Variants in SPAG9 observed in about 807,000 individuals in gnomAD.
The protein encoded by SPAG9 is C-Jun-amino-terminal kinase-interacting protein 4.
SPAG9 carries 35 observed loss-of-function variants against 166.5 expected under a neutral mutation model. The ratio of observed to expected loss-of-function variants is 0.21; its 90% CI spans 0.16 to 0.28. The LOEUF is 0.28. Ranked by LOEUF, SPAG9 falls within the 10% of genes least tolerant of loss-of-function variation. The probability of loss-of-function intolerance (pLI) is 1.00; values close to 1 mark genes in which losing one functional copy is unlikely to be tolerated. For synonymous variants in SPAG9, 534 were observed against 565.5 expected (o/e 0.94, Z 0.79); for missense variants, 1,235 against 1,603.3 (o/e 0.77, Z 3.92).
intron 2 of SPAG9, among the ~76,000 whole-genome samples, chr17:51,078,110 T>A (rs776138797): frequency 2.6e-5 from 4 of 152,152 alleles, no homozygotes; most frequent in Non-Finnish European, 4.4e-5. Context: ...CAAATTTCTA[T>A]GGTAGAAATC....
chr17:51,033,309 TG>T (rs978217824), intron 5 of SPAG9, among the ~76,000 whole-genome samples: 11 of 98,402 alleles, frequency 1.1e-4, no homozygotes, highest in Admixed American at 2.0e-4. Context: ...TGTCATTAAA[TG>T]AAAAAAAAAA....
chr17:50,981,501 GATAGATAGA>G lies in SPAG9; in HGVS notation c.3237+1014_3237+1022del, dbSNP rs1462963931. The stretch of plus-strand genomic sequence containing the variant: ...ACAGATAAAGATAGATAGATAGATA[GATAGATAGA>G]TAGATAGATAGATAGATAGAAAGAA... On this transcript the variant is annotated intron_variant, in intron 25 of 29. Transcript: ENST00000262013. 3.3e-3 allele frequency among the ~76,000 whole-genome samples: 491 copies of G among 150,204 alleles called. 1 individual carries two copies. Among genetic ancestry groups the G allele is most frequent in the Non-Finnish European group, 5.6e-3 (380 of 67,386 alleles).
At chr17:51,036,508 C>T (rs959267153) in intron 5 of SPAG9, among the ~76,000 whole-genome samples, 11 of 152,202 alleles carry the variant, frequency 7.2e-5, no homozygotes, top group Non-Finnish European at 1.2e-4. Flanking sequence ...TAATGCCCTT[C>T]TTTTCCCATG....
At chr17:51,009,097 G>T (rs570381855) in intron 9 of SPAG9, 206 of 443,494 alleles carry the variant, frequency 4.6e-4, no homozygotes, top group Non-Finnish European at 8.8e-4. Flanking sequence ...AGCTTAAAAA[G>T]CAGTAATATT....
intron 2 of SPAG9, among the ~76,000 whole-genome samples, chr17:51,077,946 G>A (rs1486565179): frequency 2.0e-5 from 3 of 151,906 alleles, no homozygotes; most frequent in African/African-American, 4.8e-5. Context: ...GAATCACCGC[G>A]TCTGGCCTCG....
intron 13 of SPAG9, among the ~76,000 whole-genome samples, chr17:51,000,381 T>A (rs2044880130): frequency 6.6e-6 from 1 of 152,204 alleles, no homozygotes; most frequent in Non-Finnish European, 1.5e-5. Context: ...AAAAGTAAGC[T>A]ACTATTTCCT....
chr17:50,988,760 G>T (rs1975278606), intron 21 of SPAG9, among the ~76,000 whole-genome samples: 1 of 152,156 alleles, frequency 6.6e-6, no homozygotes, highest in Non-Finnish European at 1.5e-5. Context: ...TCACTATGTT[G>T]CTCAGGTTGG....
intron 2 of SPAG9, among the ~76,000 whole-genome samples, chr17:51,077,237 T>A (rs887816842): frequency 4.6e-5 from 7 of 151,476 alleles, no homozygotes; most frequent in Non-Finnish European, 8.8e-5. Context: ...GATTCTCCTG[T>A]CTCAGCCTCC....
chr17:51,046,890 G>A (rs963864676), intron 4 of SPAG9: 43 of 1,518,202 alleles, frequency 2.8e-5, no homozygotes, highest in Non-Finnish European at 3.6e-5. Context: ...GCAACCCCAA[G>A]CGACAGCCAG....
At chr17:51,095,751 TATATAGTGATATAC>T (rs2048598352) in intron 1 of SPAG9, among the ~76,000 whole-genome samples, 1 of 141,718 alleles carries the variant, frequency 7.1e-6, no homozygotes, top group South Asian at 2.1e-4. Context: ...TAGTGATATA[TATATAGTGATATAC>T]ATATAGTGAT....
At chr17:51,041,232 A>C (rs1283109316) in intron 5 of SPAG9, among the ~76,000 whole-genome samples, 1 of 152,230 alleles carries the variant, frequency 6.6e-6, no homozygotes, top group African/African-American at 2.4e-5. Flanking sequence ...AAACTCATAT[A>C]GCCTAAATCA....
In SPAG9 at chr17:51,114,065, C is replaced by T. The variant is rs142459505; in HGVS notation, c.303+6289G>A. On this transcript the variant is annotated intron_variant, in intron 1 of 29. Coordinates refer to ENST00000262013, the MANE Select transcript of SPAG9 (RefSeq NM_001130528.3). ...TTTAGGCCAGGTGCGGTGGCTCACG[C>T]TTGTAATCCCAGCACTTTGGGAGGC... Among the ~76,000 whole-genome samples the T allele has an allele frequency of 2.6e-5, 4 of 152,202 alleles. No individual in the cohort carries two copies. In the East Asian group the frequency reaches 7.7e-4, roughly 29 times the overall value.
chr17:50,978,633 C>A (rs1352634433), intron 26 of SPAG9, among the ~76,000 whole-genome samples: 2 of 152,022 alleles, frequency 1.3e-5, no homozygotes, highest in Non-Finnish European at 2.9e-5. Context: ...TATGACAGGA[C>A]CTAAATGGTC....
At chr17:51,033,595 T>C (rs1225536234) in intron 5 of SPAG9, among the ~76,000 whole-genome samples, 4 of 152,210 alleles carry the variant, frequency 2.6e-5, no homozygotes, top group African/African-American at 9.6e-5. Flanking sequence ...CAGGTACCAT[T>C]ACAGTGAACT....
intron 15 of SPAG9, among the ~76,000 whole-genome samples, chr17:50,997,403 G>C (rs941188377): frequency 5.9e-5 from 9 of 152,182 alleles, no homozygotes; most frequent in Admixed American, 2.0e-4. Context: ...CGTGCTAGAA[G>C]TGATTTAAAA....
intron 2 of SPAG9, among the ~76,000 whole-genome samples, chr17:51,074,470 T>C (rs1033697006): frequency 6.6e-6 from 1 of 152,204 alleles, no homozygotes; most frequent in Non-Finnish European, 1.5e-5. Context: ...ACTTCGTGCA[T>C]CTGAACGGTC....
At position 50,970,847 on chromosome 17, in the gene SPAG9, ATGACT is replaced by A; in HGVS notation, c.3705_3709del (p.Gln1235HisfsTer6). On this transcript the variant is annotated frameshift_variant, in exon 29 of 30. Transcript: ENST00000262013. LOFTEE classifies it high-confidence loss of function. ...GCCACTACTGCTACTTTGTGGGCTG[ATGACT>A]TGACCTGTTTTATACAGAAACAAAA... 1 of 1,613,610 alleles carries A rather than the reference ATGACT, an allele frequency of 6.2e-7. No individual in the cohort carries two copies. The highest frequency in any genetic ancestry group is 8.5e-7 in the Non-Finnish European group (1 of 1,179,884).
chr17:51,090,843 T>C (rs2048445286), intron 1 of SPAG9, among the ~76,000 whole-genome samples: 1 of 152,230 alleles, frequency 6.6e-6, no homozygotes, highest in Non-Finnish European at 1.5e-5. Context: ...TAACATGATT[T>C]CTGAAGACTT....
chr17:51,103,878 C>A (rs1203002604), intron 1 of SPAG9, among the ~76,000 whole-genome samples: 2 of 152,182 alleles, frequency 1.3e-5, no homozygotes, highest in Non-Finnish European at 2.9e-5. Flanking sequence ...TTCCCTGGCA[C>A]TTTCAACGTG....
Sources: allele counts gnomAD v4.1 joint callset (sites outside exome capture counted in the v4.1 genomes callset), GRCh38; gene constraint gnomAD v4.1.1; transcripts MANE v1.5; gene names NCBI Gene and HGNC (gene_info 2026-07-23, HGNC 2026-07-21).